Variants in TULP3 observed in about 807,000 individuals in gnomAD.
TULP3 encodes the protein TUB like protein 3.
In TULP3, 38 loss-of-function variants were observed where a neutral mutation model predicts 50.7. The observed-to-expected ratio is 0.75, with a 90% CI of 0.58 to 0.98. The LOEUF (loss-of-function observed/expected upper bound fraction) is 0.98. Among genes scored for constraint, TULP3 ranks in the 50% least tolerant of loss-of-function variants. The pLI, the probability that TULP3 is intolerant of heterozygous loss-of-function variation, is 0.00. For synonymous variants in TULP3, 183 were observed against 196.6 expected (o/e 0.93, Z 0.58); for missense variants, 550 against 568.0 (o/e 0.97, Z 0.32).
intron 1 of TULP3, among the ~76,000 whole-genome samples, chr12:2,893,387 G>A (rs1267114339): frequency 6.8e-6 from 1 of 146,778 alleles, no homozygotes; most frequent in Non-Finnish European, 1.5e-5. Flanking sequence ...GGAGTGCAGT[G>A]GCGCCATCTT....
intron 1 of TULP3, among the ~76,000 whole-genome samples, chr12:2,894,682 T>A (rs1000100380): frequency 1.3e-5 from 2 of 151,908 alleles, no homozygotes; most frequent in Non-Finnish European, 2.9e-5. Context: ...GATCACGAGG[T>A]CAGGAGTTCA....
chr12:2,909,684 G>A, intron 2 of TULP3, 104 bp downstream of exon 2: 1 of 1,202,368 alleles, frequency 8.3e-7, no homozygotes, highest in South Asian at 1.3e-5. Flanking sequence ...AAGAAGACTG[G>A]AAAGGAGAAG....
At chr12:2,900,358 T>A (rs1015257544) in intron 1 of TULP3, among the ~76,000 whole-genome samples, 1 of 152,206 alleles carries the variant, frequency 6.6e-6, no homozygotes, top group Non-Finnish European at 1.5e-5. Flanking sequence ...AGCACTTGGA[T>A]TGGAAATGTT....
intron 1 of TULP3, among the ~76,000 whole-genome samples, chr12:2,900,166 TG>T (rs2098178272): frequency 6.6e-6 from 1 of 152,086 alleles, no homozygotes; most frequent in Non-Finnish European, 1.5e-5. Context: ...GAGGTTGTAG[TG>T]AGCCGAGATC....
intron 1 of TULP3, among the ~76,000 whole-genome samples, chr12:2,900,596 A>AT (rs2098178561): frequency 1.6e-5 from 2 of 122,268 alleles, no homozygotes; most frequent in African/African-American, 7.2e-5. Context: ...TCTGTTTTGA[A>AT]TAATACTTTT....
chr12:2,934,072 A>C (rs557720815), intron 7 of TULP3, among the ~76,000 whole-genome samples: 1 of 152,264 alleles, frequency 6.6e-6, no homozygotes, highest in East Asian at 1.9e-4. Flanking sequence ...ACACACTGAG[A>C]CATTATCTCT....
At chr12:2,916,296 C>T (rs1221903436) in intron 2 of TULP3, among the ~76,000 whole-genome samples, 2 of 152,212 alleles carry the variant, frequency 1.3e-5, no homozygotes, top group Non-Finnish European at 2.9e-5. Flanking sequence ...GCCACTGCGC[C>T]GGTCAGAGCT....
At chr12:2,892,896 G>A (rs1329350435) in intron 1 of TULP3, among the ~76,000 whole-genome samples, 3 of 147,656 alleles carry the variant, frequency 2.0e-5, no homozygotes, top group South Asian at 2.1e-4. Context: ...TTTGAGACAG[G>A]GTCTCACTCT....
At chr12:2,922,235 T>TA in intron 3 of TULP3, 27 bp from the exon 4 acceptor site, 1 of 1,604,604 alleles carries the variant, frequency 6.2e-7, no homozygotes, top group Non-Finnish European at 8.5e-7. Context: ...GCTCCTTTTT[T>TA]AAAATTCATT....
chr12:2,910,332 G>A (rs952965357), intron 2 of TULP3, among the ~76,000 whole-genome samples: 12 of 152,212 alleles, frequency 7.9e-5, no homozygotes, highest in African/African-American at 2.2e-4. Context: ...AGAGCTGCTG[G>A]CACATTTAGT....
Position 2,940,974 on chromosome 12 carries a change from C to G in TULP3, c.*1530C>G. 2.1e-6 allele frequency: 1 copy of G among 471,848 alleles called. No individual in the cohort carries two copies. Among genetic ancestry groups the G allele is most frequent in the African/African-American group, 2.0e-5 (1 of 50,822 alleles). The allele number at this position is 471,848 out of a possible 1,614,324, so 29.2% of individuals were successfully genotyped here. A position where few individuals can be genotyped will look rare whatever the true frequency, so the allele number is the denominator to read the frequency against. On this transcript the variant is annotated 3_prime_UTR_variant, in exon 11 of 11. Transcript: ENST00000448120. Reference sequence around the variant, plus strand: ...ATACACGACAGCATGTGGGGAAGGACTTATGGTGGGCCAGGTGGACCTCAT... The same window carrying G: ...ATACACGACAGCATGTGGGGAAGGAGTTATGGTGGGCCAGGTGGACCTCAT...
At chr12:2,892,552 G>C (rs1038576158) in intron 1 of TULP3, among the ~76,000 whole-genome samples, 1 of 151,700 alleles carries the variant, frequency 6.6e-6, no homozygotes, top group African/African-American at 2.4e-5. Flanking sequence ...TCTCTCTGTC[G>C]CCAGGCGGTA....
rs762042997 is a variant in TULP3, at chr12:2,934,553, A to G, written c.916A>G (p.Ile306Val). ...CCACACCCGGCAGGAGCTGGCTGCC[A>G]TCTCCTATGTGAGTGCTGCTTTCCC... ...AAHTRQELAA[I>V]SYETNVLGFK... The change falls in exon 8 of 11, where the codon ATC (isoleucine) becomes GTC (valine). Residue 306 changes from isoleucine to valine, a missense_variant. Physicochemically the swap from Ile to Val is conservative, Grantham distance 29. Transcript: ENST00000448120. The G allele has an allele frequency of 1.4e-5, 23 of 1,590,200 alleles. 1 individual carries two copies. Among genetic ancestry groups the G allele is most frequent in the Non-Finnish European group, 1.8e-5 (21 of 1,169,082 alleles).
intron 1 of TULP3, among the ~76,000 whole-genome samples, chr12:2,905,109 A>G (rs2098181421): frequency 6.6e-6 from 1 of 151,694 alleles, no homozygotes; most frequent in South Asian, 2.1e-4. Flanking sequence ...ATTAAATCAG[A>G]AAAATGTAAA....
chr12:2,920,980 G>T, intron 3 of TULP3, 58 bp downstream of exon 3: 4 of 1,598,080 alleles, frequency 2.5e-6, no homozygotes, highest in Non-Finnish European at 2.6e-6. Context: ...AACCTAGAAG[G>T]CACGAGGATT....
chr12:2,915,042 G>A (rs1374393499), intron 2 of TULP3, among the ~76,000 whole-genome samples: 1 of 151,990 alleles, frequency 6.6e-6, no homozygotes, highest in African/African-American at 2.4e-5. Context: ...AGGCTGGAGT[G>A]TAGTGGCATG....
intron 2 of TULP3, among the ~76,000 whole-genome samples, chr12:2,919,184 G>A (rs767222419): frequency 2.0e-5 from 3 of 152,130 alleles, no homozygotes; most frequent in Non-Finnish European, 2.9e-5. Context: ...GAGCCACTGC[G>A]CCCGGCTGCT....
At chr12:2,928,543 TAAATA>T (rs1445332682) in intron 4 of TULP3, among the ~76,000 whole-genome samples, 4 of 150,936 alleles carry the variant, frequency 2.7e-5, no homozygotes, top group Admixed American at 2.0e-4. Flanking sequence ...AAAAAATAAA[TAAATA>T]AAATAAAAAG....
At chr12:2,897,706 C>T (rs116137479) in intron 1 of TULP3, among the ~76,000 whole-genome samples, 3,919 of 150,700 alleles carry the variant, frequency 0.026, 181 homozygotes, top group African/African-American at 0.091. Flanking sequence ...GTGATTCTCC[C>T]ACCTCGGCCT....
Sources: allele counts gnomAD v4.1 joint callset (sites outside exome capture counted in the v4.1 genomes callset), GRCh38; gene constraint gnomAD v4.1.1; transcripts MANE v1.5; gene names NCBI Gene and HGNC (gene_info 2026-07-23, HGNC 2026-07-21).